Variants in FBXO25 observed in about 807,000 individuals in gnomAD.
FBXO25 encodes the protein F-box only protein 25.
FBXO25 carries 45 observed loss-of-function variants against 51.9 expected under a neutral mutation model. The ratio of observed to expected loss-of-function variants is 0.87; its 90% CI spans 0.68 to 1.11. FBXO25 has a LOEUF of 1.11. FBXO25 is among the 50% of genes most tolerant of loss of function. The pLI is 0.00. For synonymous variants in FBXO25, 199 were observed against 151.0 expected (o/e 1.32, Z -2.33); for missense variants, 507 against 428.5 (o/e 1.18, Z -1.62).
rs565186105 is a variant in FBXO25, at chr8:422,926, A to G, written c.135-8415A>G. Reference sequence around the variant, plus strand: ...GGTCAGGACTCCCTGAACTGTACTTAAAAGTCTATTCTGCTGTATATGAAT... The same window carrying G: ...GGTCAGGACTCCCTGAACTGTACTTGAAAGTCTATTCTGCTGTATATGAAT... On this transcript the variant is annotated intron_variant, in intron 2 of 9. Coordinates refer to ENST00000350302, the MANE Select transcript of FBXO25 (RefSeq NM_183420.2). Among the ~76,000 whole-genome samples, 8 of 152,256 alleles carry G rather than the reference A, an allele frequency of 5.3e-5. No homozygotes were observed. The East Asian group carries it at 1.5e-3, about 29-fold the overall frequency.
At chr8:416,082 T>A (rs937924773) in intron 2 of FBXO25, among the ~76,000 whole-genome samples, 3 of 152,216 alleles carry the variant, frequency 2.0e-5, no homozygotes, top group African/African-American at 7.2e-5. Context: ...CCCACTCATT[T>A]ATTTGCTTTT....
chr8:466,741 C>G (rs1220627336), intron 9 of FBXO25, among the ~76,000 whole-genome samples: 1 of 152,120 alleles, frequency 6.6e-6, no homozygotes, highest in Non-Finnish European at 1.5e-5. Context: ...TGTGGCTCTA[C>G]TATATTGGAG....
At chr8:440,627 G>T (rs370255942) in intron 5 of FBXO25, among the ~76,000 whole-genome samples, 2 of 151,068 alleles carry the variant, frequency 1.3e-5, no homozygotes, top group Admixed American at 1.3e-4. Context: ...TGGTATACAT[G>T]TGCTCAATGT....
chr8:463,844 C>T (rs1014171870), intron 9 of FBXO25, among the ~76,000 whole-genome samples: 18 of 152,216 alleles, frequency 1.2e-4, no homozygotes, highest in Admixed American at 2.6e-4. Flanking sequence ...AATAGGGTCT[C>T]GCTCTGTCAC....
chr8:439,686 A>G (rs1443299206), intron 5 of FBXO25, among the ~76,000 whole-genome samples: 1 of 152,156 alleles, frequency 6.6e-6, no homozygotes, highest in Admixed American at 6.6e-5. Flanking sequence ...TGCCCCTCCA[A>G]GACTCCCCAG....
chr8:454,143 C>T (rs971268060), intron 7 of FBXO25, among the ~76,000 whole-genome samples: 1 of 152,186 alleles, frequency 6.6e-6, no homozygotes, highest in South Asian at 2.1e-4. Flanking sequence ...AATACCTCGA[C>T]ACCCCTTAAA....
Position 441,120 on chromosome 8 carries a change from A to G in FBXO25, c.381+5413A>G, listed in dbSNP as rs376314417. Among the ~76,000 whole-genome samples the G allele has an allele frequency of 5.3e-5, 8 of 151,276 alleles. No homozygotes were observed. In the East Asian group the frequency reaches 9.7e-4, roughly 18 times the overall value. ...ATACTACCTGACTTCAGACTATATT[A>G]CAAGGCTACAGTAACCAAAACAGCA... On this transcript the variant is annotated intron_variant, in intron 5 of 9. Coordinates refer to ENST00000350302, the MANE Select transcript of FBXO25 (RefSeq NM_183420.2).
intron 9 of FBXO25, chr8:468,088 C>G: frequency 9.1e-7 from 1 of 1,102,814 alleles, no homozygotes; most frequent in Non-Finnish European, 1.1e-6. Context: ...TCCCGTTTAC[C>G]TGCGTTCCTC....
intron 8 of FBXO25, among the ~76,000 whole-genome samples, chr8:458,891 G>T (rs1799628630): frequency 6.6e-6 from 1 of 152,076 alleles, no homozygotes; most frequent in African/African-American, 2.4e-5. Context: ...CAGTTCTTTT[G>T]ACCAAGCTGC....
At chr8:465,338 AAG>A (rs1212105243) in intron 9 of FBXO25, among the ~76,000 whole-genome samples, 1 of 152,198 alleles carries the variant, frequency 6.6e-6, no homozygotes, top group Non-Finnish European at 1.5e-5. Context: ...TGCTTCTCCT[AAG>A]AGTTACTTGT....
intron 7 of FBXO25, among the ~76,000 whole-genome samples, chr8:453,822 G>A (rs949941540): frequency 2.6e-5 from 4 of 152,124 alleles, no homozygotes; most frequent in Admixed American, 6.5e-5. Flanking sequence ...ATCCCAACAA[G>A]AAATACCTTG....
intron 2 of FBXO25, among the ~76,000 whole-genome samples, chr8:414,870 C>T (rs1327940452): frequency 2.0e-5 from 3 of 152,326 alleles, no homozygotes; most frequent in African/African-American, 2.4e-5. Context: ...TGGGATCCCC[C>T]GCCCTGCTTC....
intron 5 of FBXO25, among the ~76,000 whole-genome samples, chr8:442,642 G>T (rs1257768043): frequency 6.6e-6 from 1 of 151,764 alleles, no homozygotes; most frequent in Non-Finnish European, 1.5e-5. Context: ...GCTAATTTTT[G>T]TAATTTTAGT....
At chr8:426,982 C>A (rs11996480) in intron 2 of FBXO25, among the ~76,000 whole-genome samples, 1 of 151,948 alleles carries the variant, frequency 6.6e-6, no homozygotes, top group African/African-American at 2.4e-5. Context: ...ACTTTCTCTT[C>A]TGAATTTTCT....
intron 5 of FBXO25, among the ~76,000 whole-genome samples, chr8:447,656 A>T (rs1798825021): frequency 6.6e-6 from 1 of 152,214 alleles, no homozygotes; most frequent in African/African-American, 2.4e-5. Flanking sequence ...ATAATGAGAT[A>T]ACTTGGGGCT....
In FBXO25 at chr8:471,619, A is replaced by T. The variant is rs1338689194; in HGVS notation, c.*2815A>T. ...AGATAGAATCTCCAGTCATTCTCGG[A>T]CCTGTTCTCAGTCTGCGCTGCTCAC... On this transcript the variant is annotated 3_prime_UTR_variant, in exon 10 of 10. Coordinates refer to ENST00000350302, the MANE Select transcript of FBXO25 (RefSeq NM_183420.2). The T allele has an allele frequency of 1.3e-5, 2 of 152,196 alleles. No homozygotes were observed. The allele number at this position is 152,196 out of a possible 1,614,324, so 9.4% of individuals were successfully genotyped here.
intron 6 of FBXO25, chr8:450,700 A>G (rs1799026328): frequency 6.6e-6 from 1 of 152,316 alleles, no homozygotes; most frequent in Non-Finnish European, 1.5e-5. Context: ...GTGATATCTC[A>G]AAAATGATGT....
At chr8:458,665 A>G (rs567042506) in intron 8 of FBXO25, 114 bp downstream of exon 8, 20 of 989,728 alleles carry the variant, frequency 2.0e-5, no homozygotes, top group Non-Finnish European at 2.8e-5. Context: ...TTCTACTTTT[A>G]AAGAACCAGG....
chr8:470,172 CT>C lies in FBXO25; in HGVS notation c.*1373del, dbSNP rs766783866. ...CACAGAATCACCCAGATGGAACAGG[CT>C]TTTTCATCACAACATATTGGGGTTC... is the stretch of plus-strand genomic sequence containing the variant. On this transcript the variant is annotated 3_prime_UTR_variant, in exon 10 of 10. Coordinates refer to ENST00000350302, the MANE Select transcript of FBXO25 (RefSeq NM_183420.2). 6.6e-6 allele frequency: 1 copy of C among 152,072 alleles called. No individual in the cohort carries two copies. Among genetic ancestry groups the C allele is most frequent in the Non-Finnish European group, 1.5e-5 (1 of 68,026 alleles). The allele number at this position is 152,072 out of a possible 1,614,324, so 9.4% of individuals were successfully genotyped here. A position where few individuals can be genotyped will look rare whatever the true frequency, so the allele number is the denominator to read the frequency against.
Sources: allele counts gnomAD v4.1 joint callset (sites outside exome capture counted in the v4.1 genomes callset), GRCh38; gene constraint gnomAD v4.1.1; transcripts MANE v1.5; gene names NCBI Gene and HGNC (gene_info 2026-07-23, HGNC 2026-07-21).